Variants in PAK6 observed in about 807,000 individuals in gnomAD.
PAK6 encodes p21 (RAC1) activated kinase 6.
PAK6 carries 33 observed loss-of-function variants against 60.8 expected under a neutral mutation model. The observed-to-expected ratio is 0.54, with a 90% CI of 0.41 to 0.73. The LOEUF (loss-of-function observed/expected upper bound fraction) is 0.73, where lower values mean the gene tolerates loss of function less well. Ranked by LOEUF, PAK6 falls within the 30% of genes least tolerant of loss-of-function variation. The probability of loss-of-function intolerance (pLI) is 0.00; values close to 1 mark genes in which losing one functional copy is unlikely to be tolerated. For synonymous variants in PAK6, 404 were observed against 378.5 expected (o/e 1.07, Z -0.78); for missense variants, 845 against 904.1 (o/e 0.93, Z 0.84).
At chr15:40,248,438 G>T (rs558146795) in intron 2 of PAK6, among the ~76,000 whole-genome samples, 4 of 152,178 alleles carry the variant, frequency 2.6e-5, no homozygotes, top group Non-Finnish European at 5.9e-5. Flanking sequence ...AGGAGCCCCA[G>T]CTCCACAGGG....
At chr15:40,254,261 C>T (rs2038775763) in intron 3 of PAK6, among the ~76,000 whole-genome samples, 1 of 152,206 alleles carries the variant, frequency 6.6e-6, no homozygotes, top group African/African-American at 2.4e-5. Context: ...TCATCAGCCT[C>T]CAGCTGCTAT....
chr15:40,252,947 C>G, intron 2 of PAK6: 5 of 931,032 alleles, frequency 5.4e-6, no homozygotes, highest in Non-Finnish European at 6.9e-6. Flanking sequence ...GTGGCCGCGC[C>G]GGGTCGGAGT....
chr15:40,250,607 T>C (rs1253008422), intron 2 of PAK6: 1 of 152,188 alleles, frequency 6.6e-6, no homozygotes, highest in Non-Finnish European at 1.5e-5. Context: ...GGGACTTGGC[T>C]AGTCGCCATT....
At chr15:40,248,839 G>A (rs762401053) in intron 2 of PAK6, among the ~76,000 whole-genome samples, 9 of 152,152 alleles carry the variant, frequency 5.9e-5, no homozygotes, top group Admixed American at 2.6e-4. Flanking sequence ...CCCACTGCCC[G>A]TTCAAACATT....
At chr15:40,256,223 T>C (rs1047700652) in intron 3 of PAK6, among the ~76,000 whole-genome samples, 3 of 152,134 alleles carry the variant, frequency 2.0e-5, no homozygotes, top group African/African-American at 7.2e-5. Flanking sequence ...AGACTCTGTC[T>C]CTAAAAAAAA....
At chr15:40,274,480 C>A (rs148589766) in intron 10 of PAK6, among the ~76,000 whole-genome samples, 5 of 152,356 alleles carry the variant, frequency 3.3e-5, no homozygotes, top group African/African-American at 1.2e-4. Context: ...TCCGACAAGT[C>A]GCCTCCCACG....
chr15:40,273,752 A>G, intron 9 of PAK6, 76 bp downstream of exon 9: 2 of 1,547,520 alleles, frequency 1.3e-6, no homozygotes, highest in Non-Finnish European at 8.8e-7. Flanking sequence ...TGGCCCCTCC[A>G]GTGAGCTCAC....
intron 9 of PAK6, 138 bp from the exon 10 acceptor site, chr15:40,274,004 T>G: frequency 1.0e-6 from 1 of 997,980 alleles, no homozygotes; most frequent in Non-Finnish European, 1.5e-6. Flanking sequence ...ACAGGGCAGG[T>G]GACCAGGGGA....
At chr15:40,239,790 C>G (rs1239612092) in exon 1 of PAK6, 1 of 153,072 alleles carries the variant, frequency 6.5e-6, no homozygotes, top group Non-Finnish European at 1.5e-5. Flanking sequence ...TTGGCTTAGG[C>G]TGGCCTGGGC....
intron 5 of PAK6, chr15:40,266,947 G>A (rs1428661923): frequency 6.3e-6 from 1 of 158,664 alleles, no homozygotes; most frequent in Non-Finnish European, 1.4e-5. Context: ...TGTTGATAGT[G>A]ACAGTAACCT....
intron 5 of PAK6, among the ~76,000 whole-genome samples, chr15:40,271,826 T>C (rs2039310762): frequency 6.6e-6 from 1 of 152,172 alleles, no homozygotes; most frequent in African/African-American, 2.4e-5. Flanking sequence ...AGAATGCCTC[T>C]GACCCAGATT....
At chr15:40,265,670 G>A (rs373417830) in intron 4 of PAK6, among the ~76,000 whole-genome samples, 172 bp from the exon 5 acceptor site, 6 of 152,326 alleles carry the variant, frequency 3.9e-5, no homozygotes, top group East Asian at 1.9e-4. Context: ...CGGGACCCAC[G>A]GTGGGCCCTG....
intron 3 of PAK6, among the ~76,000 whole-genome samples, chr15:40,253,927 G>A (rs1174386705): frequency 6.6e-6 from 1 of 152,110 alleles, no homozygotes; most frequent in Non-Finnish European, 1.5e-5. Context: ...CTGGGTGAAG[G>A]GGGCAGAGGG....
chr15:40,273,758 C>A, intron 9 of PAK6, 82 bp downstream of exon 9: 1 of 1,528,274 alleles, frequency 6.5e-7, no homozygotes. Flanking sequence ...CTCCAGTGAG[C>A]TCACCAAAAG....
At chr15:40,241,599 G>A (rs1451081575) in intron 2 of PAK6, among the ~76,000 whole-genome samples, 1 of 152,150 alleles carries the variant, frequency 6.6e-6, no homozygotes, top group Non-Finnish European at 1.5e-5. Context: ...GGGAAGGGTC[G>A]GCACCAGAGG....
At chr15:40,266,553 C>G (rs1306050217) in intron 5 of PAK6, 58 bp downstream of exon 5, 2 of 1,456,682 alleles carry the variant, frequency 1.4e-6, no homozygotes, top group Admixed American at 2.4e-5. Context: ...GGGACACAGG[C>G]CTTGCCTAGC....
At position 40,253,115 on chromosome 15, in the gene PAK6, G is replaced by T. The variant is rs182315026; in HGVS notation, c.-117-63G>T. ...CCCAGCGCCTGGACGTCAGCCAGTC[G>T]CAACACCCGCGGGAACACTTGCTAC... is the stretch of plus-strand genomic sequence containing the variant. On this transcript the variant is annotated intron_variant, in intron 2 of 10. Transcript: ENST00000560346. The T allele has an allele frequency of 2.6e-5, 11 of 427,090 alleles. No individual in the cohort carries two copies. The East Asian group carries it at 7.3e-4, about 28-fold the overall frequency. The allele number at this position is 427,090 out of a possible 1,614,324, so 26.5% of individuals were successfully genotyped here. A position where few individuals can be genotyped will look rare whatever the true frequency, so the allele number is the denominator to read the frequency against.
At chr15:40,265,957 G>A in exon 5 of PAK6, 2 of 1,605,668 alleles carry the variant, frequency 1.2e-6, no homozygotes, top group South Asian at 2.2e-5. Flanking sequence ...AGCCCCACCA[G>A]CCGGCGGCGG....
At chr15:40,256,237 TTTTTTTTGA>T (rs1456592130) in intron 3 of PAK6, among the ~76,000 whole-genome samples, 1 of 152,156 alleles carries the variant, frequency 6.6e-6, no homozygotes, top group Non-Finnish European at 1.5e-5. Context: ...AAAAAAAATT[TTTTTTTTGA>T]AACAAACTTC....
Sources: gnomAD v4.1 joint callset for allele counts (sites outside exome capture counted in the v4.1 genomes callset) on GRCh38, gnomAD v4.1.1 for gene constraint, MANE v1.5 for transcripts, NCBI Gene and HGNC (gene_info 2026-07-23, HGNC 2026-07-21) for gene names.